CEP85: variants seen among roughly 807,000 people sequenced by gnomAD.
The protein encoded by CEP85 is centrosomal protein of 85 kDa.
A neutral mutation model predicts 93.7 loss-of-function variants in CEP85; 58 were observed. The observed-to-expected ratio is 0.62, with a 90% CI of 0.50 to 0.77. CEP85 has a LOEUF of 0.77. CEP85 is among the 30% of genes least tolerant of loss of function. CEP85 has a pLI of 0.00. For synonymous variants in CEP85, 314 were observed against 338.6 expected, an observed-to-expected ratio of 0.93 and a Z score of 0.80; for missense variants, 868 against 922.0, an observed-to-expected ratio of 0.94 and a Z score of 0.76.
At chr1:26,245,524 TTTA>T (rs1435992787) in intron 3 of CEP85, among the ~76,000 whole-genome samples, 1 of 152,328 alleles carries the variant, frequency 6.6e-6, no homozygotes, top group East Asian at 1.9e-4. Context: ...TTCTTGTATC[TTTA>T]TTATCTCTGC....
intron 7 of CEP85, among the ~76,000 whole-genome samples, chr1:26,268,151 G>C (rs2089918971): frequency 6.6e-6 from 1 of 152,194 alleles, no homozygotes; most frequent in Non-Finnish European, 1.5e-5. Flanking sequence ...ACAGCCTCAA[G>C]GGTTGCTTCA....
chr1:26,237,093 C>T (rs992434987), intron 1 of CEP85, among the ~76,000 whole-genome samples: 42 of 152,068 alleles, frequency 2.8e-4, no homozygotes, highest in African/African-American at 9.4e-4. Context: ...AGGACTCCAC[C>T]ACCACTACCA....
At chr1:26,257,493 G>T in intron 4 of CEP85, 104 bp from the exon 5 acceptor site, 1 of 1,386,302 alleles carries the variant, frequency 7.2e-7, no homozygotes, top group Non-Finnish European at 9.9e-7. Context: ...TCATCAGGCT[G>T]AGCCAAGTTG....
Position 26,277,128 on chromosome 1 carries a change from C to T in CEP85, c.2129-8C>T, listed in dbSNP as rs773710079. On this transcript the variant is annotated splice_polypyrimidine_tract_variant and splice_region_variant and intron_variant, in intron 13 of 13. Coordinates refer to ENST00000451429, the MANE Select transcript of CEP85 (RefSeq NM_001319944.2). ...AACATTCTCTTGAAATGCTCTTCTC[C>T]CCAGCAGCACAGCACCCAGAGACTC... 34 of 1,610,640 alleles carry T rather than the reference C, an allele frequency of 2.1e-5. No individual in the cohort carries two copies. Among genetic ancestry groups the T allele is most frequent in the Non-Finnish European group, 6.8e-6 (8 of 1,177,172 alleles).
intron 3 of CEP85, among the ~76,000 whole-genome samples, chr1:26,253,640 C>T (rs1394778161): frequency 2.6e-5 from 4 of 151,884 alleles, no homozygotes; most frequent in Non-Finnish European, 4.4e-5. Flanking sequence ...CCCCCCTCCT[C>T]AGCCTCCCAA....
chr1:26,259,605 T>C lies in CEP85; in HGVS notation c.1156-12T>C. Reference sequence around the variant, plus strand: ...GTAGAGAACAGTTACATATTGAGAATCTTTCTGGCAGGAATTGCAGCGAGA... The same window carrying C: ...GTAGAGAACAGTTACATATTGAGAACCTTTCTGGCAGGAATTGCAGCGAGA... On this transcript the variant is annotated splice_polypyrimidine_tract_variant and intron_variant, in intron 6 of 13. Coordinates refer to ENST00000451429, the MANE Select transcript of CEP85 (RefSeq NM_001319944.2). 6.3e-7 allele frequency: 1 copy of C among 1,599,862 alleles called. No individual in the cohort carries two copies.
chr1:26,257,555 A>G (rs776053132), intron 4 of CEP85, 42 bp from the exon 5 acceptor site: 3 of 1,610,296 alleles, frequency 1.9e-6, no homozygotes, highest in South Asian at 1.1e-5. Context: ...TCAGGCGTGT[A>G]TGGGTCAAGA....
chr1:26,268,999 C>G (rs1180374473), intron 8 of CEP85, among the ~76,000 whole-genome samples: 3 of 152,140 alleles, frequency 2.0e-5, no homozygotes, highest in African/African-American at 7.2e-5. Context: ...ACATCTGTTC[C>G]CCCGGTCACC....
intron 5 of CEP85, 41 bp downstream of exon 5, chr1:26,257,771 C>T (rs2089731161): frequency 6.2e-7 from 1 of 1,609,352 alleles, no homozygotes. Flanking sequence ...ACTACTCTCC[C>T]AGGCCCCATT....
At chr1:26,259,926 T>A in intron 7 of CEP85, 124 bp downstream of exon 7, 1 of 709,742 alleles carries the variant, frequency 1.4e-6, no homozygotes, top group Admixed American at 3.2e-5. Context: ...CTCCACTGGC[T>A]TCTCACACAG....
Position 26,269,448 on chromosome 1 carries a change from C to T in CEP85, c.1495-12C>T. On this transcript the variant is annotated splice_polypyrimidine_tract_variant and intron_variant, in intron 8 of 13. Coordinates refer to ENST00000451429, the MANE Select transcript of CEP85 (RefSeq NM_001319944.2). ...GGCTTATTTGACCTAAACATGGGATCCTGTCTCTCAGCTTAAGGATTCTGA... is the reference window on the plus strand; with the variant it reads ...GGCTTATTTGACCTAAACATGGGATTCTGTCTCTCAGCTTAAGGATTCTGA... 1 of 1,612,626 alleles carries T rather than the reference C, an allele frequency of 6.2e-7. No individual in the cohort carries two copies. The highest frequency in any genetic ancestry group is 1.1e-5 in the South Asian group (1 of 90,978).
At chr1:26,259,046 A>G (rs1199440393) in intron 6 of CEP85, among the ~76,000 whole-genome samples, 2 of 152,202 alleles carry the variant, frequency 1.3e-5, no homozygotes, top group Non-Finnish European at 2.9e-5. Context: ...GATATTTGAC[A>G]GGTTATAGCA....
intron 11 of CEP85, among the ~76,000 whole-genome samples, chr1:26,272,939 T>C (rs1177059746): frequency 6.6e-6 from 1 of 151,970 alleles, no homozygotes; most frequent in Non-Finnish European, 1.5e-5. Context: ...TATTACAGCA[T>C]GTAATTGGGA....
At chr1:26,257,477 TG>T (rs2089725071) in intron 4 of CEP85, 119 bp from the exon 5 acceptor site, 2 of 1,134,954 alleles carry the variant, frequency 1.8e-6, no homozygotes, top group Non-Finnish European at 2.5e-6. Context: ...TCATAAACAT[TG>T]GGCCTCATCA....
chr1:26,267,888 T>C (rs2089915607), intron 7 of CEP85, among the ~76,000 whole-genome samples: 1 of 152,192 alleles, frequency 6.6e-6, no homozygotes, highest in African/African-American at 2.4e-5. Flanking sequence ...TTACTCATGA[T>C]GGGATCTGGC....
chr1:26,273,932 A>ATAAATAATAT (rs1553161624), intron 11 of CEP85, among the ~76,000 whole-genome samples: 5 of 145,780 alleles, frequency 3.4e-5, no homozygotes, highest in African/African-American at 1.2e-4. Context: ...AAATAAATAA[A>ATAAATAATAT]ATATATATAT....
At chr1:26,244,422 T>A in intron 3 of CEP85, 104 bp downstream of exon 3, 1 of 1,029,140 alleles carries the variant, frequency 9.7e-7, no homozygotes, top group Non-Finnish European at 1.5e-6. Context: ...AGAATGTTCA[T>A]AACGTCATTC....
intron 3 of CEP85, 22 bp from the exon 4 acceptor site, chr1:26,255,149 T>C (rs758690112): frequency 1.9e-6 from 3 of 1,595,990 alleles, no homozygotes; most frequent in East Asian, 2.2e-5. Flanking sequence ...TTTTTACTTA[T>C]GGAAGACTAT....
intron 3 of CEP85, among the ~76,000 whole-genome samples, chr1:26,247,948 A>G (rs2089536988): frequency 6.6e-6 from 1 of 152,220 alleles, no homozygotes; most frequent in South Asian, 2.1e-4. Context: ...GGTGTGAGCC[A>G]CTGCACCCAG....
Sources: gnomAD v4.1 joint callset for allele counts (sites outside exome capture counted in the v4.1 genomes callset) on GRCh38, gnomAD v4.1.1 for gene constraint, MANE v1.5 for transcripts, NCBI Gene and HGNC (gene_info 2026-07-23, HGNC 2026-07-21) for gene names.